Variants in MEIOC observed in about 807,000 individuals in gnomAD.
MEIOC encodes the protein meiosis specific with coiled-coil domain.
A neutral mutation model predicts 85.3 loss-of-function variants in MEIOC; 9 were observed. That is an observed-to-expected ratio of 0.11 (90% CI 0.06 to 0.18). MEIOC has a LOEUF of 0.18. Among genes scored for constraint, MEIOC ranks in the 10% least tolerant of loss-of-function variants. MEIOC has a pLI of 1.00. For synonymous variants in MEIOC, 365 were observed against 393.7 expected, an observed-to-expected ratio of 0.93 and a Z score of 0.86; for missense variants, 898 against 1,129.4, an observed-to-expected ratio of 0.80 and a Z score of 2.94.
chr17:44,661,086 C>T (rs1043451818), intron 2 of MEIOC, among the ~76,000 whole-genome samples: 1 of 151,966 alleles, frequency 6.6e-6, no homozygotes, highest in Non-Finnish European at 1.5e-5. Flanking sequence ...GGATTTGAGA[C>T]CAGCCTGACC....
At chr17:44,663,403 G>A (rs1018597795) in intron 3 of MEIOC, among the ~76,000 whole-genome samples, 1 of 152,022 alleles carries the variant, frequency 6.6e-6, no homozygotes, top group African/African-American at 2.4e-5. Flanking sequence ...TATAGAGGCT[G>A]ATGCCTCATT....
chr17:44,666,731 A>C lies in MEIOC; in HGVS notation c.820A>C (p.Thr274Pro). The change falls in exon 5 of 8, where the codon ACT becomes CCT. Residue 274 changes from threonine to proline, a missense_variant. Around this residue, in one of 2 missense-constraint regions of MEIOC, gnomAD observed 734 missense variants for 860.1 expected, o/e 0.85. Coordinates refer to ENST00000409122, the MANE Select transcript of MEIOC (RefSeq NM_001145080.3). ...PLIKNCFTPQ[T>P]GLSDIMKESG... is the part of the protein sequence containing the mutation. ...TATCAAAAACTGTTTTACACCCCAA[A>C]CTGGTCTGTCTGATATCATGAAAGA... The C allele has an allele frequency of 6.2e-7, 1 of 1,613,406 alleles. No individual in the cohort carries two copies. Among genetic ancestry groups the C allele is most frequent in the South Asian group, 1.1e-5 (1 of 90,986 alleles).
At position 44,666,628 on chromosome 17, in the gene MEIOC, C is replaced by G. The variant is rs1358191235; in HGVS notation, c.717C>G (p.Pro239=). 6.2e-7 allele frequency: 1 copy of G among 1,611,266 alleles called. No individual in the cohort carries two copies. The highest frequency in any genetic ancestry group is 1.1e-5 in the South Asian group (1 of 90,538). Residue 239 remains proline, a synonymous_variant, in exon 5 of 8, where the codon CCC becomes CCG. Coordinates refer to ENST00000409122, the MANE Select transcript of MEIOC (RefSeq NM_001145080.3). ...GLDLEEQWMY[P]SRSDHSNCHN... is the part of the protein sequence containing the mutation. Reference sequence around the variant, plus strand: ...ATCTTGAAGAACAATGGATGTACCCCTCACGAAGTGATCATTCTAACTGTC... The same window carrying G: ...ATCTTGAAGAACAATGGATGTACCCGTCACGAAGTGATCATTCTAACTGTC...
chr17:44,667,479 C>T lies in MEIOC; in HGVS notation c.1568C>T (p.Thr523Ile). Residue 523 changes from threonine (T) to isoleucine (I), a missense_variant, in exon 5 of 8, where the codon ACA becomes ATA. Physicochemically the swap from Thr to Ile is moderately conservative, Grantham distance 89. Coordinates refer to ENST00000409122, the MANE Select transcript of MEIOC (RefSeq NM_001145080.3). ...TCAGATTTCCCCCAACTATCATCCACAAACTTAACCCCAAATAGCAATTTA... is the reference window on the plus strand; with the variant it reads ...TCAGATTTCCCCCAACTATCATCCATAAACTTAACCCCAAATAGCAATTTA... ...HSSDFPQLSS[T>I]NLTPNSNLFQ... is the part of the protein sequence containing the mutation. The T allele has an allele frequency of 6.2e-7, 1 of 1,613,860 alleles. No individual in the cohort carries two copies. The highest frequency in any genetic ancestry group is 8.5e-7 in the Non-Finnish European group (1 of 1,179,846).
rs766900919 is a variant in MEIOC at position 44,665,514 on chromosome 17, T to C, written c.464+26T>C. On this transcript the variant is annotated intron_variant, in intron 4 of 7. Coordinates refer to ENST00000409122, the MANE Select transcript of MEIOC (RefSeq NM_001145080.3). The stretch of plus-strand genomic sequence containing the variant: ...GTTAGTATATAATCTATATAGTATA[T>C]AACAGGCTTTTAAACTAACATACAC... 2.7e-5 allele frequency: 33 copies of C among 1,233,386 alleles called. No individual in the cohort carries two copies. The Middle Eastern group carries it at 1.2e-3, about 45-fold the overall frequency. The allele number at this position is 1,233,386 out of a possible 1,614,324, so 76.4% of individuals were successfully genotyped here.
Position 44,667,102 on chromosome 17 carries a change from T to G in MEIOC, c.1191T>G (p.Thr397=). The change falls in exon 5 of 8, where the codon ACT becomes ACG. Residue 397 remains threonine, a synonymous_variant. Transcript: ENST00000409122. ...AGCAGAATTTCACATTTCCAAAAAC[T>G]ACGCCACATCTGACAGAGAAACAGT... ...PDQQNFTFPK[T]TPHLTEKQFA... The G allele has an allele frequency of 6.2e-7, 1 of 1,613,800 alleles. No homozygotes were observed. The highest frequency in any genetic ancestry group is 8.5e-7 in the Non-Finnish European group (1 of 1,179,796).
chr17:44,659,228 A>G (rs1000108245), intron 2 of MEIOC, among the ~76,000 whole-genome samples: 1 of 152,208 alleles, frequency 6.6e-6, no homozygotes, highest in African/African-American at 2.4e-5. Context: ...AATCTTGTAT[A>G]TTATTATGCC....
rs1972065104 is a variant in MEIOC at position 44,675,604 on chromosome 17, G to C, written c.*1408G>C. On this transcript the variant is annotated 3_prime_UTR_variant, in exon 8 of 8. Transcript: ENST00000409122. ...GAGAATGCAAGAGTAACTGTAGGGA[G>C]AAACATTTTGATCACTGATATGCCT... 1.0e-5 allele frequency: 10 copies of C among 984,328 alleles called. No individual in the cohort carries two copies. The highest frequency in any genetic ancestry group is 1.2e-5 in the Non-Finnish European group (10 of 829,040). 61.0% of individuals were successfully genotyped at this position (984,328 alleles called of 1,614,324 possible).
At chr17:44,661,236 C>A (rs574892530) in intron 2 of MEIOC, among the ~76,000 whole-genome samples, 5 of 134,962 alleles carry the variant, frequency 3.7e-5, no homozygotes, top group Non-Finnish European at 4.6e-5. Flanking sequence ...TGCAGTGAGC[C>A]GAGATCTCGC....
intron 4 of MEIOC, among the ~76,000 whole-genome samples, chr17:44,665,883 GT>G (rs764304260): frequency 2.0e-5 from 3 of 151,984 alleles, no homozygotes; most frequent in Non-Finnish European, 4.4e-5. Flanking sequence ...TGTTTCAATT[GT>G]TTTATTGAAG....
intron 3 of MEIOC, among the ~76,000 whole-genome samples, chr17:44,663,268 T>TTGA (rs10638687): frequency 0.39 from 58,206 of 147,682 alleles, 11,517 homozygotes; most frequent in Middle Eastern, 0.49. Context: ...CTTTATAATC[T>TTGA]TGATGATGAT....
intron 2 of MEIOC, among the ~76,000 whole-genome samples, chr17:44,659,705 C>T (rs1378656587): frequency 6.6e-6 from 1 of 152,144 alleles, no homozygotes; most frequent in Non-Finnish European, 1.5e-5. Context: ...TGAAAATGTT[C>T]CTTTTGTTTA....
intron 6 of MEIOC, among the ~76,000 whole-genome samples, chr17:44,672,704 T>C (rs534974127): frequency 6.6e-6 from 1 of 152,328 alleles, no homozygotes; most frequent in South Asian, 2.1e-4. Flanking sequence ...TGAAACATAC[T>C]CCCCCTACTG....
At chr17:44,661,504 A>G (rs1477000343) in intron 2 of MEIOC, among the ~76,000 whole-genome samples, 2 of 152,156 alleles carry the variant, frequency 1.3e-5, no homozygotes, top group Non-Finnish European at 2.9e-5. Flanking sequence ...AAAATTCCAT[A>G]TAAATATACA....
chr17:44,664,598 A>G (rs1466879815), intron 3 of MEIOC, among the ~76,000 whole-genome samples: 3 of 152,224 alleles, frequency 2.0e-5, no homozygotes, highest in Non-Finnish European at 2.9e-5. Flanking sequence ...TCCAGAATCC[A>G]AGAAAAAAAC....
downstream of MEIOC, among the ~76,000 whole-genome samples, chr17:44,676,571 C>T (rs1456816712): frequency 6.6e-6 from 1 of 151,822 alleles, no homozygotes; most frequent in African/African-American, 2.4e-5. Context: ...GCCTGTAATC[C>T]CAGCACTTTG....
rs1484473897 is a variant in MEIOC at position 44,674,949 on chromosome 17, T to G, written c.*753T>G. 12 of 978,422 alleles carry G rather than the reference T, an allele frequency of 1.2e-5. No homozygotes were observed. The highest frequency in any genetic ancestry group is 1.5e-5 in the Non-Finnish European group (12 of 823,594). The allele number at this position is 978,422 out of a possible 1,614,324, so 60.6% of individuals were successfully genotyped here. A position where few individuals can be genotyped will look rare whatever the true frequency, so the allele number is the denominator to read the frequency against. On this transcript the variant is annotated 3_prime_UTR_variant, in exon 8 of 8. Transcript: ENST00000409122. ...TTTCCAATTTTAAAGTTATTTAAAT[T>G]GAATCACAAAACATTCCCTTTATCT... is the stretch of plus-strand genomic sequence containing the variant.
At position 44,674,889 on chromosome 17, in the gene MEIOC, C is replaced by A. The variant is rs1972055225; in HGVS notation, c.*693C>A. 4.1e-6 allele frequency: 4 copies of A among 970,552 alleles called. No individual in the cohort carries two copies. Among genetic ancestry groups the A allele is most frequent in the Non-Finnish European group, 4.9e-6 (4 of 816,496 alleles). 60.1% of individuals were successfully genotyped at this position (970,552 alleles called of 1,614,324 possible). ...CCTATTCAGATCATTTGTGTATATT[C>A]TTTAAATTTTAATTATATTATCAAT... On this transcript the variant is annotated 3_prime_UTR_variant, in exon 8 of 8. Coordinates refer to ENST00000409122, the MANE Select transcript of MEIOC (RefSeq NM_001145080.3).
Position 44,673,539 on chromosome 17 carries a change from T to G in MEIOC, c.2631T>G (p.Asp877Glu). The change falls in exon 7 of 8, where the codon GAT (aspartate) becomes GAG (glutamate). Residue 877 changes from aspartate to glutamate, a missense_variant. Transcript: ENST00000409122. ...RQRQGVPRCQ[D>E]DRDVFALASA... ...GGCAAGGAGTTCCTAGATGCCAAGA[T>G]GACAGAGGTACAAATATTAATGCAT... 3 of 1,545,092 alleles carry G rather than the reference T, an allele frequency of 1.9e-6. No homozygotes were observed. The highest frequency in any genetic ancestry group is 2.6e-6 in the Non-Finnish European group (3 of 1,144,802).
Sources: gnomAD v4.1 joint callset for allele counts (sites outside exome capture counted in the v4.1 genomes callset) on GRCh38, gnomAD v4.1.1 for gene constraint, gnomAD v4.1.1 regional missense constraint, MANE v1.5 for transcripts, NCBI Gene and HGNC (gene_info 2026-07-23, HGNC 2026-07-21) for gene names.